TLCD4: variants seen among roughly 807,000 people sequenced by gnomAD.
TLCD4 encodes the protein TLC domain-containing protein 4.
A neutral mutation model predicts 24.2 loss-of-function variants in TLCD4; 7 were observed. That is an observed-to-expected ratio of 0.29 (90% CI 0.16 to 0.54). The LOEUF (loss-of-function observed/expected upper bound fraction) is 0.54, where lower values mean the gene tolerates loss of function less well. Ranked by LOEUF, TLCD4 falls within the 20% of genes least tolerant of loss-of-function variation. The pLI is 0.95. For synonymous variants in TLCD4, 103 were observed against 106.4 expected (o/e 0.97, Z 0.20); for missense variants, 259 against 313.9 (o/e 0.82, Z 1.32).
intron 5 of TLCD4, among the ~76,000 whole-genome samples, chr1:95,157,440 G>C (rs1463019920): frequency 6.6e-6 from 1 of 152,140 alleles, no homozygotes; most frequent in African/African-American, 2.4e-5. Flanking sequence ...TGTGTCAGAA[G>C]GACACAAGAT....
In TLCD4 at chr1:95,187,214, G is replaced by A. The variant is rs566675014; in HGVS notation, c.474-4336G>A. 3.0e-4 allele frequency among the ~76,000 whole-genome samples: 46 copies of A among 152,296 alleles called. 1 individual carries two copies. The South Asian group carries it at 5.4e-3, about 18-fold the overall frequency. ...ACACCCAGCTTCCCCTATTGTTAGC[G>A]TCATAGATCAGTGGGTGCAGTTGTT... On this transcript the variant is annotated intron_variant, in intron 6 of 6. Coordinates refer to ENST00000370203, the MANE Select transcript of TLCD4 (RefSeq NM_152487.3).
chr1:95,162,063 TTC>T (rs1677829482), intron 5 of TLCD4, among the ~76,000 whole-genome samples: 1 of 152,168 alleles, frequency 6.6e-6, no homozygotes, highest in Non-Finnish European at 1.5e-5. Flanking sequence ...CCTGGTAACT[TTC>T]TGTCTCGTTG....
chr1:95,094,979 A>G, the TLCD4 span, among the ~76,000 whole-genome samples: 1 of 152,212 alleles, frequency 6.6e-6, no homozygotes, highest in Non-Finnish European at 1.5e-5. Context: ...ACACGAGTTT[A>G]AATTCTAGCT....
intron 5 of TLCD4, among the ~76,000 whole-genome samples, chr1:95,161,111 C>T (rs1372912111): frequency 6.6e-6 from 1 of 152,126 alleles, no homozygotes; most frequent in Non-Finnish European, 1.5e-5. Context: ...TGGTAGAATT[C>T]GGCTGTGGAT....
In TLCD4 at chr1:95,134,882, A is replaced by C. The variant is rs536106646; in HGVS notation, c.-11-9009A>C. On this transcript the variant is annotated intron_variant, in intron 1 of 6. Transcript: ENST00000370203. ...CTGAGTACTGTTCTAAGTGCCCAAGAAACATTATATCATTTATTTCCTATT... is the reference window on the plus strand; with the variant it reads ...CTGAGTACTGTTCTAAGTGCCCAAGCAACATTATATCATTTATTTCCTATT... Among the ~76,000 whole-genome samples the C allele has an allele frequency of 2.0e-5, 3 of 152,304 alleles. No individual in the cohort carries two copies. The South Asian group carries it at 6.2e-4, about 32-fold the overall frequency.
the TLCD4 span, among the ~76,000 whole-genome samples, chr1:95,106,708 C>T: frequency 6.3e-3 from 966 of 152,146 alleles, 8 homozygotes; most frequent in South Asian, 0.025. Context: ...AACAAACAGA[C>T]AAAACAACAA....
chr1:95,101,345 A>C, the TLCD4 span, among the ~76,000 whole-genome samples: 2 of 148,904 alleles, frequency 1.3e-5, no homozygotes, highest in African/African-American at 5.0e-5. Flanking sequence ...TCTGAAACTC[A>C]CTGCAGTCTC....
chr1:95,140,694 A>T (rs987087044), intron 1 of TLCD4: 1 of 152,222 alleles, frequency 6.6e-6, no homozygotes, highest in Non-Finnish European at 1.5e-5. Flanking sequence ...TAGGCCAAAT[A>T]GTATCCCAGC....
the TLCD4 span, among the ~76,000 whole-genome samples, chr1:95,098,676 G>A: frequency 6.6e-6 from 1 of 152,162 alleles, no homozygotes; most frequent in Non-Finnish European, 1.5e-5. Flanking sequence ...CCTCAGTTTG[G>A]AAACAGGTTA....
At chr1:95,156,348 G>T (rs151301886) in intron 5 of TLCD4, among the ~76,000 whole-genome samples, 75 of 152,256 alleles carry the variant, frequency 4.9e-4, no homozygotes, top group African/African-American at 1.7e-3. Context: ...TGATACTGAG[G>T]ACTTGGGGTG....
At chr1:95,168,321 T>C (rs1005506412) in intron 5 of TLCD4, among the ~76,000 whole-genome samples, 4 of 152,134 alleles carry the variant, frequency 2.6e-5, no homozygotes, top group Non-Finnish European at 4.4e-5. Flanking sequence ...TGTCTGCTTC[T>C]AGATGTTTTA....
the TLCD4 span, among the ~76,000 whole-genome samples, chr1:95,096,690 C>T: frequency 6.6e-6 from 1 of 152,298 alleles, no homozygotes; most frequent in East Asian, 1.9e-4. Context: ...TCAGCACTAC[C>T]TCTGGCCCCC....
intron 5 of TLCD4, among the ~76,000 whole-genome samples, chr1:95,154,757 T>C (rs187557555): frequency 4.0e-5 from 6 of 151,862 alleles, no homozygotes; most frequent in Admixed American, 2.6e-4. Context: ...CAAATAATTA[T>C]TAAACATAGT....
Position 95,196,714 on chromosome 1 carries a change from T to C in TLCD4, c.*4846T>C, listed in dbSNP as rs988919312. The C allele has an allele frequency of 4.6e-5, 7 of 152,198 alleles. No homozygotes were observed. Among genetic ancestry groups the C allele is most frequent in the Non-Finnish European group, 8.8e-5 (6 of 68,034 alleles). The allele number at this position is 152,198 out of a possible 1,614,324, so 9.4% of individuals were successfully genotyped here. The stretch of plus-strand genomic sequence containing the variant: ...AAGTACAGTACCTCTGGCTGAAAAC[T>C]CGTTAAACATCTTTGGATATTTTTT... On this transcript the variant is annotated 3_prime_UTR_variant, in exon 7 of 7. Coordinates refer to ENST00000370203, the MANE Select transcript of TLCD4 (RefSeq NM_152487.3).
At chr1:95,157,046 T>C (rs1461211121) in intron 5 of TLCD4, among the ~76,000 whole-genome samples, 2 of 152,100 alleles carry the variant, frequency 1.3e-5, no homozygotes, top group African/African-American at 2.4e-5. Context: ...GGAAGCAATA[T>C]TCCCTAAAAG....
intron 1 of TLCD4, among the ~76,000 whole-genome samples, chr1:95,141,330 A>T (rs947925598): frequency 2.0e-5 from 3 of 152,204 alleles, no homozygotes; most frequent in African/African-American, 7.2e-5. Flanking sequence ...GATATGTTTT[A>T]TGACACCTTT....
Position 95,196,348 on chromosome 1 carries a change from AGAGTCCTGCTCTTTAGGGAAAACTTT to A in TLCD4, c.*4482_*4507del, listed in dbSNP as rs1679206128. 1 of 152,200 alleles carries A rather than the reference AGAGTCCTGCTCTTTAGGGAAAACTTT, an allele frequency of 6.6e-6. No individual in the cohort carries two copies. The highest frequency in any genetic ancestry group is 2.4e-5 in the African/African-American group (1 of 41,464). 9.4% of individuals were successfully genotyped at this position (152,200 alleles called of 1,614,324 possible). A position where few individuals can be genotyped will look rare whatever the true frequency, so the allele number is the denominator to read the frequency against. On this transcript the variant is annotated 3_prime_UTR_variant, in exon 7 of 7. Transcript: ENST00000370203. ...TGCTGGCTTGTGCCAAAATTATTTT[AGAGTCCTGCTCTTTAGGGAAAACTTT>A]GCTATGGTAATGTTTCTTTGAAAAC...
At chr1:95,176,371 C>T (rs376975110) in intron 6 of TLCD4, among the ~76,000 whole-genome samples, 16 of 150,286 alleles carry the variant, frequency 1.1e-4, no homozygotes, top group Middle Eastern at 7.0e-3. Flanking sequence ...TTGTATTTTT[C>T]GTAGAAATGG....
chr1:95,170,522 G>T (rs757749883), intron 5 of TLCD4, among the ~76,000 whole-genome samples: 3 of 151,742 alleles, frequency 2.0e-5, no homozygotes, highest in African/African-American at 7.3e-5. Context: ...GTAGAGACAG[G>T]GTTTCACTGT....
Sources: gnomAD v4.1 joint callset for allele counts (sites outside exome capture counted in the v4.1 genomes callset) on GRCh38, gnomAD v4.1.1 for gene constraint, MANE v1.5 for transcripts, NCBI Gene and HGNC (gene_info 2026-07-23, HGNC 2026-07-21) for gene names.